The following NPAS2 variants were observed in gnomAD, a reference collection of about 807,000 sequenced individuals.
NPAS2 encodes neuronal PAS domain-containing protein 2.
In NPAS2, 23 loss-of-function variants were observed where a neutral mutation model predicts 107.5. The ratio of observed to expected loss-of-function variants is 0.21; its 90% CI spans 0.15 to 0.30. The LOEUF (loss-of-function observed/expected upper bound fraction) is 0.30, where lower values mean the gene tolerates loss of function less well. Ranked by LOEUF, NPAS2 falls within the 10% of genes least tolerant of loss-of-function variation. NPAS2 has a pLI of 1.00. For missense variants in NPAS2, 756 were observed against 1,043.3 expected (o/e 0.72, Z 3.79); for synonymous variants, 403 against 417.5 (o/e 0.97, Z 0.42).
intron 1 of NPAS2, among the ~76,000 whole-genome samples, chr2:100,881,651 A>G (rs565184867): frequency 5.9e-5 from 9 of 151,822 alleles, no homozygotes; most frequent in African/African-American, 1.9e-4. Flanking sequence ...ACAGCACTGC[A>G]CTCCAGCCTG....
At chr2:100,989,215 G>A (rs141469743) in intron 17 of NPAS2, 2 of 154,934 alleles carry the variant, frequency 1.3e-5, no homozygotes, top group Admixed American at 6.5e-5. Flanking sequence ...TCGTGGCTTT[G>A]GTAAAGTCAG....
At chr2:100,986,828 C>T (rs971826160) in intron 16 of NPAS2, 2 of 152,208 alleles carry the variant, frequency 1.3e-5, no homozygotes, top group African/African-American at 4.8e-5. Context: ...CAAAACTATT[C>T]ATTTACACAT....
chr2:100,917,571 T>G (rs1211603519), intron 2 of NPAS2, among the ~76,000 whole-genome samples: 1 of 151,946 alleles, frequency 6.6e-6, no homozygotes, highest in Non-Finnish European at 1.5e-5. Flanking sequence ...AATTGGTAAG[T>G]CTATCAAGGG....
rs1237595727 is a variant in NPAS2 at position 100,995,457 on chromosome 2, T to A, written c.2350T>A (p.Tyr784Asn). Residue 784 changes from tyrosine to asparagine, a missense_variant, in exon 21 of 21, where the codon TAC becomes AAC. Around this residue, in one of 4 missense-constraint regions of NPAS2, gnomAD observed 496 missense variants for 594.4 expected, o/e 0.83. Transcript: ENST00000335681. ...GCAGGACTCGCTACTTCTCTCCACC[T>A]ACTCACAACAGCCAGGGACCCTGGG... Reference protein sequence around the residue: ...EQQDSLLLSTYSQQPGTLGYP... With the variant: ...EQQDSLLLSTNSQQPGTLGYP... The A allele has an allele frequency of 1.2e-5, 19 of 1,613,950 alleles. No individual in the cohort carries two copies. Among genetic ancestry groups the A allele is most frequent in the Non-Finnish European group, 1.5e-5 (18 of 1,180,012 alleles).
chr2:100,852,412 A>T (rs2104481575), intron 1 of NPAS2, among the ~76,000 whole-genome samples: 1 of 152,206 alleles, frequency 6.6e-6, no homozygotes, highest in East Asian at 1.9e-4. Flanking sequence ...AAATAAAAAT[A>T]AAAATAAAAA....
At chr2:100,885,240 G>A (rs1009877697) in intron 1 of NPAS2, among the ~76,000 whole-genome samples, 4 of 152,118 alleles carry the variant, frequency 2.6e-5, no homozygotes, top group Non-Finnish European at 2.9e-5. Flanking sequence ...GTGAGCCACC[G>A]CGCCCAGCCG....
chr2:100,909,885 G>A (rs1682433606), intron 2 of NPAS2, among the ~76,000 whole-genome samples: 1 of 152,170 alleles, frequency 6.6e-6, no homozygotes. Context: ...TGTACTTGCA[G>A]GCAGAATGCT....
intron 5 of NPAS2, among the ~76,000 whole-genome samples, chr2:100,938,501 C>T (rs1309093028): frequency 6.6e-6 from 1 of 150,526 alleles, no homozygotes; most frequent in Admixed American, 6.6e-5. Context: ...ACAGATGTCC[C>T]TCCCCACTCT....
intron 1 of NPAS2, among the ~76,000 whole-genome samples, chr2:100,857,951 G>A (rs185386040): frequency 1.1e-4 from 16 of 152,366 alleles, no homozygotes; most frequent in Admixed American, 9.8e-4. Flanking sequence ...ATTATCAGCT[G>A]TAGGCAAGTT....
intron 2 of NPAS2, among the ~76,000 whole-genome samples, chr2:100,913,109 A>G (rs574404399): frequency 6.6e-6 from 1 of 152,176 alleles, no homozygotes; most frequent in African/African-American, 2.4e-5. Flanking sequence ...TCCCGGTGGG[A>G]ATTGGGAACA....
intron 5 of NPAS2, among the ~76,000 whole-genome samples, chr2:100,942,493 G>A (rs1674634158): frequency 1.3e-5 from 2 of 152,040 alleles, no homozygotes; most frequent in African/African-American, 4.8e-5. Context: ...AGTTGATCAT[G>A]GATTAAAAGA....
chr2:100,936,862 A>G (rs956391746), intron 4 of NPAS2, among the ~76,000 whole-genome samples: 3 of 151,690 alleles, frequency 2.0e-5, no homozygotes, highest in Admixed American at 6.6e-5. Flanking sequence ...TGTGCCTGTA[A>G]TCCCAGCTAC....
intron 14 of NPAS2, chr2:100,975,789 A>C: frequency 2.3e-6 from 1 of 433,686 alleles, no homozygotes; most frequent in Non-Finnish European, 4.1e-6. Flanking sequence ...TAGAATACAA[A>C]ATCCAAGTGA....
intron 1 of NPAS2, among the ~76,000 whole-genome samples, chr2:100,838,296 A>G (rs2104405348): frequency 6.6e-6 from 1 of 151,560 alleles, no homozygotes; most frequent in Admixed American, 6.6e-5. Context: ...TTTTTATTTG[A>G]GACAGAGTTT....
At chr2:100,834,131 G>T (rs951008234) in intron 1 of NPAS2, among the ~76,000 whole-genome samples, 9 of 152,154 alleles carry the variant, frequency 5.9e-5, no homozygotes, top group Non-Finnish European at 8.8e-5. Flanking sequence ...CTTCCTGGTG[G>T]CTCAGTGCTT....
upstream of NPAS2, among the ~76,000 whole-genome samples, chr2:100,819,337 C>G (rs3811558): frequency 0.33 from 49,386 of 151,828 alleles, 10,607 homozygotes; most frequent in African/African-American, 0.6. The surrounding 1 kb of genome is among the most constrained non-coding windows in gnomAD (Gnocchi z 5.8). Context: ...GGCAATTAGC[C>G]GGTTCCTTTC....
intron 2 of NPAS2, among the ~76,000 whole-genome samples, chr2:100,910,352 A>G (rs187098389): frequency 2.2e-4 from 33 of 152,134 alleles, no homozygotes; most frequent in Non-Finnish European, 3.4e-4. Flanking sequence ...GGTTAAGAGT[A>G]AAGCTGTTCT....
chr2:100,836,762 C>A (rs999699957), intron 1 of NPAS2, among the ~76,000 whole-genome samples: 2 of 152,118 alleles, frequency 1.3e-5, no homozygotes, highest in Non-Finnish European at 2.9e-5. Flanking sequence ...GAAGGCAAGT[C>A]CCCGGGCCAC....
intron 12 of NPAS2, among the ~76,000 whole-genome samples, chr2:100,971,606 T>G (rs1184210047): frequency 1.3e-5 from 2 of 152,122 alleles, no homozygotes; most frequent in Non-Finnish European, 2.9e-5. Context: ...TGTCCAGGGG[T>G]GTTAGTGAAC....
Sources: allele counts gnomAD v4.1 joint callset (sites outside exome capture counted in the v4.1 genomes callset), GRCh38; gene constraint gnomAD v4.1.1; regional missense constraint gnomAD v4.1.1; non-coding constraint Gnocchi (gnomAD v3.1); transcripts MANE v1.5; gene names NCBI Gene and HGNC (gene_info 2026-07-23, HGNC 2026-07-21).